TTC13: variants seen among roughly 807,000 people sequenced by gnomAD.
The protein encoded by TTC13 is tetratricopeptide repeat domain 13, also known as tetratricopeptide repeat protein 13.
A neutral mutation model predicts 120.0 loss-of-function variants in TTC13; 62 were observed. That is an observed-to-expected ratio of 0.52 (90% CI 0.42 to 0.64). The LOEUF (loss-of-function observed/expected upper bound fraction) is 0.64. TTC13 is among the 30% of genes least tolerant of loss of function. The pLI is 0.00. For synonymous variants in TTC13, 384 were observed against 393.5 expected (o/e 0.98, Z 0.28); for missense variants, 824 against 1,050.2 (o/e 0.78, Z 2.98).
intron 8 of TTC13, among the ~76,000 whole-genome samples, chr1:230,935,750 A>G (rs947361998): frequency 2.0e-5 from 3 of 152,208 alleles, no homozygotes; most frequent in African/African-American, 4.8e-5. Context: ...TACTAGCAGC[A>G]ACAAAGACAG....
At chr1:230,974,174 T>C (rs1282252772) in intron 1 of TTC13, among the ~76,000 whole-genome samples, 1 of 152,140 alleles carries the variant, frequency 6.6e-6, no homozygotes, top group Non-Finnish European at 1.5e-5. Context: ...CTACAGAGTG[T>C]TGAATTAAGA....
At chr1:230,973,860 G>A (rs1436819618) in intron 1 of TTC13, among the ~76,000 whole-genome samples, 10 of 152,032 alleles carry the variant, frequency 6.6e-5, no homozygotes, top group South Asian at 2.1e-4. Flanking sequence ...GGCAGATCAC[G>A]AGGTCAGGAG....
At chr1:230,939,249 T>C (rs536558964) in intron 8 of TTC13, 137 bp downstream of exon 8, 1 of 482,494 alleles carries the variant, frequency 2.1e-6, no homozygotes, top group East Asian at 3.0e-5. Context: ...TCCCTTTCTG[T>C]ATCTCCCTCC....
chr1:230,923,141 A>G (rs1363080492), intron 15 of TTC13, among the ~76,000 whole-genome samples: 1 of 152,240 alleles, frequency 6.6e-6, no homozygotes, highest in African/African-American at 2.4e-5. Flanking sequence ...CAACTACCAT[A>G]TCTATACATT....
rs191538653 is a variant in TTC13 at position 230,949,755 on chromosome 1, C to T, written c.514-4301G>A. The stretch of plus-strand genomic sequence containing the variant: ...CCACCTCCAGGGTTCACGCCATTCT[C>T]CCGCCTCAGCCTCCTGAGTAGCTGG... On this transcript the variant is annotated intron_variant, in intron 4 of 22. Transcript: ENST00000366661. 3.9e-3 allele frequency among the ~76,000 whole-genome samples: 591 copies of T among 152,316 alleles called. 3 individuals are homozygous for T. The highest frequency in any genetic ancestry group is 6.4e-3 in the Non-Finnish European group (435 of 68,030).
At chr1:230,952,484 G>A (rs765325231) in intron 4 of TTC13, among the ~76,000 whole-genome samples, 1 of 152,162 alleles carries the variant, frequency 6.6e-6, no homozygotes, top group African/African-American at 2.4e-5. Context: ...TCTGAACTGC[G>A]AGCAAAGCAG....
intron 2 of TTC13, 112 bp downstream of exon 2, chr1:230,961,097 T>G (rs1036277407): frequency 2.8e-6 from 2 of 712,908 alleles, no homozygotes; most frequent in Non-Finnish European, 4.8e-6. Flanking sequence ...ATCCTATGCA[T>G]GTAGACTCAA....
At position 230,943,813 on chromosome 1, in the gene TTC13, C is replaced by T. The variant is rs780205321; in HGVS notation, c.665G>A (p.Arg222Gln). The T allele has an allele frequency of 2.5e-6, 4 of 1,607,044 alleles. No individual in the cohort carries two copies. Among genetic ancestry groups the T allele is most frequent in the East Asian group, 2.2e-5 (1 of 44,692 alleles). ...EPDRPEVFEQ[R>Q]AEILSPLGRI... ...AAAGAAAGCCACACTCACTTCTGCTCGCTGCTCAAATACCTCTGGACGATC... is the reference window on the plus strand; with the variant it reads ...AAAGAAAGCCACACTCACTTCTGCTTGCTGCTCAAATACCTCTGGACGATC... Residue 222 changes from arginine to glutamine, a missense_variant, in exon 6 of 23, where the codon CGA (arginine) becomes CAA (glutamine). Arg to Gln is a conservative substitution (Grantham distance 43). Coordinates refer to ENST00000366661, the MANE Select transcript of TTC13 (RefSeq NM_024525.5).
At chr1:230,963,662 ATAAATAAAT>A (rs1430424000) in intron 1 of TTC13, among the ~76,000 whole-genome samples, 1 of 151,434 alleles carries the variant, frequency 6.6e-6, no homozygotes, top group African/African-American at 2.4e-5. Flanking sequence ...AAATAAATAA[ATAAATAAAT>A]AAAAGAAAAA....
In TTC13 at chr1:230,961,273, T is replaced by A. The variant is rs1455934594; in HGVS notation, c.302A>T (p.Asp101Val). ...ESSFLNFHDS[D>V]CEPKGSSPCD... ...GGGTGATGATCCCTTGGGTTCGCAG[T>A]CTGAGTCATGGAAGTTCAAAAAGGA... Residue 101 changes from aspartate to valine, a missense_variant, in exon 2 of 23, where the codon GAC becomes GTC. Coordinates refer to ENST00000366661, the MANE Select transcript of TTC13 (RefSeq NM_024525.5). 24 of 1,613,970 alleles carry A rather than the reference T, an allele frequency of 1.5e-5. No individual in the cohort carries two copies. The highest frequency in any genetic ancestry group is 1.9e-5 in the Non-Finnish European group (23 of 1,179,990).
At chr1:230,970,033 T>A (rs1572299738) in intron 1 of TTC13, among the ~76,000 whole-genome samples, 1 of 152,266 alleles carries the variant, frequency 6.6e-6, no homozygotes, top group East Asian at 1.9e-4. Flanking sequence ...ACTGTACACA[T>A]GGGGAAATAA....
intron 2 of TTC13, among the ~76,000 whole-genome samples, chr1:230,960,224 G>A (rs1176428013): frequency 3.9e-5 from 6 of 152,228 alleles, no homozygotes; most frequent in African/African-American, 1.4e-4. Flanking sequence ...GAAAGGCCAA[G>A]ACTAACGAGC....
chr1:230,975,876 G>C (rs913213011), intron 1 of TTC13, among the ~76,000 whole-genome samples: 1 of 152,294 alleles, frequency 6.6e-6, no homozygotes, highest in South Asian at 2.1e-4. Flanking sequence ...TGTGACGGTG[G>C]TGTGCATAGC....
In TTC13 at chr1:230,910,439, G is replaced by A. The variant is rs144716444; in HGVS notation, c.2309+1031C>T. Among the ~76,000 whole-genome samples the A allele has an allele frequency of 2.9e-3, 443 of 152,318 alleles. 2 individuals are homozygous for A. The highest frequency in any genetic ancestry group is 0.01 in the African/African-American group (425 of 41,570). On this transcript the variant is annotated intron_variant, in intron 20 of 22. Coordinates refer to ENST00000366661, the MANE Select transcript of TTC13 (RefSeq NM_024525.5). Reference sequence around the variant, plus strand: ...GGTTTTCAGAAGGTGCTGGAGAGCCGCAGGGCACAGAGAGGAGCAGGAGCA... The same window carrying A: ...GGTTTTCAGAAGGTGCTGGAGAGCCACAGGGCACAGAGAGGAGCAGGAGCA...
intron 11 of TTC13, among the ~76,000 whole-genome samples, chr1:230,930,788 C>T (rs988712431): frequency 2.6e-5 from 4 of 152,112 alleles, no homozygotes; most frequent in African/African-American, 7.2e-5. Context: ...CATGATGGCG[C>T]GCCCTTGTAG....
chr1:230,951,717 T>G (rs1488243252), intron 4 of TTC13, among the ~76,000 whole-genome samples: 4 of 151,656 alleles, frequency 2.6e-5, no homozygotes, highest in Non-Finnish European at 1.5e-5. Flanking sequence ...TGCAAGAAAT[T>G]TTATCACTAC....
chr1:230,933,916 T>G, intron 8 of TTC13, 55 bp from the exon 9 acceptor site: 1 of 1,121,748 alleles, frequency 8.9e-7, no homozygotes, highest in Non-Finnish European at 1.3e-6. Flanking sequence ...AAATTGAGAT[T>G]CACTTAAATC....
At position 230,961,431 on chromosome 1, in the gene TTC13, G is replaced by A. The variant is rs138171611; in HGVS notation, c.272-128C>T. On this transcript the variant is annotated intron_variant, in intron 1 of 22. Coordinates refer to ENST00000366661, the MANE Select transcript of TTC13 (RefSeq NM_024525.5). ...ACAGGTGTGAATAACACTAAAAGTG[G>A]CAACCAGCTGGGCACAGTGCCTCAC... is the stretch of plus-strand genomic sequence containing the variant. The A allele has an allele frequency of 5.7e-4, 377 of 658,660 alleles. 4 individuals carry two copies. In the East Asian group the frequency reaches 9.5e-3, roughly 17 times the overall value. 40.8% of individuals were successfully genotyped at this position (658,660 alleles called of 1,614,324 possible).
intron 1 of TTC13, among the ~76,000 whole-genome samples, chr1:230,969,968 C>A (rs751496711): frequency 3.0e-4 from 45 of 152,218 alleles, no homozygotes; most frequent in Non-Finnish European, 5.3e-4. Context: ...CCTTCATAAA[C>A]CTCATTTCTT....
Sources: allele counts gnomAD v4.1 joint callset (sites outside exome capture counted in the v4.1 genomes callset), GRCh38; gene constraint gnomAD v4.1.1; transcripts MANE v1.5; gene names NCBI Gene and HGNC (gene_info 2026-07-23, HGNC 2026-07-21).